The following WDFY4 variants were observed in gnomAD, a reference collection of about 807,000 sequenced individuals.
The protein encoded by WDFY4 is WD repeat- and FYVE domain-containing protein 4.
In WDFY4, 169 loss-of-function variants were observed where a neutral mutation model predicts 351.9. The ratio of observed to expected loss-of-function variants is 0.48; its 90% confidence interval spans 0.42 to 0.55. WDFY4 has a LOEUF of 0.55. WDFY4 is among the 20% of genes least tolerant of loss of function. The probability of loss-of-function intolerance (pLI) is 0.00; values close to 1 mark genes in which losing one functional copy is unlikely to be tolerated. For synonymous variants in WDFY4, 1,622 were observed against 1,574.6 expected (o/e 1.03, Z -0.71); for missense variants, 3,803 against 3,935.6 (o/e 0.97, Z 0.90).
At chr10:48,972,917 G>A (rs1442674102) in intron 57 of WDFY4, among the ~76,000 whole-genome samples, 1 of 152,184 alleles carries the variant, frequency 6.6e-6, no homozygotes, top group Non-Finnish European at 1.5e-5. Context: ...TGGCCTTTTA[G>A]AGAAGTATTA....
intron 49 of WDFY4, among the ~76,000 whole-genome samples, chr10:48,945,773 G>A (rs569436846): frequency 6.6e-6 from 1 of 152,322 alleles, no homozygotes; most frequent in South Asian, 2.1e-4. Context: ...TCAGTAGCTG[G>A]AGGCCATGTT....
chr10:48,841,143 T>C (rs147809343), intron 39 of WDFY4, among the ~76,000 whole-genome samples: 1 of 152,370 alleles, frequency 6.6e-6, no homozygotes, highest in East Asian at 1.9e-4. Flanking sequence ...ACACAGTTTT[T>C]GTTTGTTTCT....
intron 47 of WDFY4, among the ~76,000 whole-genome samples, chr10:48,920,613 G>A (rs1477055274): frequency 6.6e-6 from 1 of 152,150 alleles, no homozygotes; most frequent in African/African-American, 2.4e-5. Context: ...ACTAAGACAA[G>A]AGAGCACACT....
intron 10 of WDFY4, among the ~76,000 whole-genome samples, chr10:48,735,503 T>G (rs868461366): frequency 1.3e-5 from 2 of 152,238 alleles, no homozygotes; most frequent in Non-Finnish European, 2.9e-5. Context: ...TTTTTTTTCT[T>G]TTTTTACCCC....
intron 35 of WDFY4, chr10:48,823,234 C>T (rs1002840508): frequency 7.7e-7 from 1 of 1,303,144 alleles, no homozygotes; most frequent in South Asian, 1.2e-5. Flanking sequence ...TCCAGGAAAC[C>T]TTTGCTCAAA....
At chr10:48,982,410 G>A in intron 61 of WDFY4, 99 bp from the exon 62 acceptor site, 1 of 1,079,012 alleles carries the variant, frequency 9.3e-7, no homozygotes, top group Non-Finnish European at 1.3e-6. Context: ...AGCTCCGCTG[G>A]GCCCCAGATA....
intron 45 of WDFY4, among the ~76,000 whole-genome samples, chr10:48,899,494 C>T (rs1837249154): frequency 2.0e-5 from 3 of 151,934 alleles, no homozygotes; most frequent in African/African-American, 7.2e-5. Flanking sequence ...CCCCATCCTT[C>T]CCTCCATGTA....
At chr10:48,968,867 G>C in intron 55 of WDFY4, 197 bp from the exon 56 acceptor site, 1 of 595,626 alleles carries the variant, frequency 1.7e-6, no homozygotes, top group Non-Finnish European at 3.0e-6. Context: ...GCTACAGTGG[G>C]TGCTGTCCTT....
At chr10:48,799,626 AG>A (rs1347657240) in intron 24 of WDFY4, among the ~76,000 whole-genome samples, 1 of 152,118 alleles carries the variant, frequency 6.6e-6, no homozygotes, top group Admixed American at 6.5e-5. Flanking sequence ...TACAAAAATT[AG>A]GTGGGCATAG....
chr10:48,966,734 G>A, intron 55 of WDFY4, 61 bp downstream of exon 55: 6 of 1,517,760 alleles, frequency 4.0e-6, no homozygotes, highest in Admixed American at 4.0e-5. Flanking sequence ...TCAGTGGCTG[G>A]GTTCCTCTGG....
At chr10:48,846,862 C>T (rs1180612288) in intron 39 of WDFY4, among the ~76,000 whole-genome samples, 1 of 152,224 alleles carries the variant, frequency 6.6e-6, no homozygotes, top group Non-Finnish European at 1.5e-5. Flanking sequence ...GAAGTCGCAG[C>T]AATGGGGCAG....
rs1348784344 is a variant in WDFY4 at position 48,817,887 on chromosome 10, G to C, written c.5505+478G>C. Among the ~76,000 whole-genome samples the C allele has an allele frequency of 7.2e-5, 11 of 152,234 alleles. No individual in the cohort carries two copies. The East Asian group carries it at 2.1e-3, about 29-fold the overall frequency. On this transcript the variant is annotated intron_variant, in intron 32 of 61. Transcript: ENST00000325239. ...TTTGCAGAGGCCCAGCTTAGAGCCA[G>C]ACAAGCCAAGGGGAGGGCAGAGCCT...
intron 57 of WDFY4, 131 bp downstream of exon 57, chr10:48,970,420 C>G (rs141413276): frequency 2.4e-6 from 3 of 1,261,270 alleles, no homozygotes; most frequent in Non-Finnish European, 3.2e-6. Context: ...TCACTGAGGG[C>G]CCTGCCACCC....
chr10:48,811,760 A>C, intron 30 of WDFY4, 52 bp downstream of exon 30: 1 of 1,532,092 alleles, frequency 6.5e-7, no homozygotes, highest in South Asian at 1.2e-5. Flanking sequence ...CTGATTCCAC[A>C]TGACTAAGGC....
intron 1 of WDFY4, among the ~76,000 whole-genome samples, chr10:48,703,197 G>T (rs1368749645): frequency 6.6e-6 from 1 of 151,000 alleles, no homozygotes; most frequent in Non-Finnish European, 1.5e-5. Flanking sequence ...TATTTATTTT[G>T]GAGCGCTCTA....
rs1338670197 is a variant in WDFY4, at chr10:48,982,800, C to T, written c.*225C>T. ...CACACACTCGGAGGGCTGAGCAGCA[C>T]GCTGGAAACTGTGACTTGGTGATGC... On this transcript the variant is annotated 3_prime_UTR_variant, in exon 62 of 62. Transcript: ENST00000325239. 1.4e-5 allele frequency: 8 copies of T among 584,750 alleles called. No homozygotes were observed. The highest frequency in any genetic ancestry group is 3.9e-5 in the East Asian group (1 of 25,866). The allele number at this position is 584,750 out of a possible 1,614,324, so 36.2% of individuals were successfully genotyped here.
intron 16 of WDFY4, 45 bp from the exon 17 acceptor site, chr10:48,777,374 G>A (rs932244728): frequency 6.6e-7 from 1 of 1,504,590 alleles, no homozygotes. Flanking sequence ...CAGTGCAAGA[G>A]ATTGGCTTGC....
chr10:48,905,876 C>G (rs532804557), intron 47 of WDFY4, among the ~76,000 whole-genome samples: 1 of 152,322 alleles, frequency 6.6e-6, no homozygotes, highest in East Asian at 1.9e-4. Context: ...TGTGTTTGGG[C>G]ATGTTAACAG....
At chr10:48,821,000 T>A (rs2067805698) in intron 33 of WDFY4, 62 bp from the exon 34 acceptor site, 1 of 1,195,348 alleles carries the variant, frequency 8.4e-7, no homozygotes, top group African/African-American at 1.5e-5. Flanking sequence ...AGGGAGGCGG[T>A]GGGCACTGGG....
Sources: allele counts gnomAD v4.1 joint callset (sites outside exome capture counted in the v4.1 genomes callset), GRCh38; gene constraint gnomAD v4.1.1; transcripts MANE v1.5; gene names NCBI Gene and HGNC (gene_info 2026-07-23, HGNC 2026-07-21).